NKAIN2: variants seen among roughly 807,000 people sequenced by gnomAD.
The protein encoded by NKAIN2 is sodium/potassium transporting ATPase interacting 2.
In NKAIN2, 14 loss-of-function variants were observed where a neutral mutation model predicts 32.6. That is an observed-to-expected ratio of 0.43 (90% CI 0.28 to 0.67). NKAIN2 has a LOEUF of 0.67. Ranked by LOEUF, NKAIN2 falls within the 30% of genes least tolerant of loss-of-function variation. The pLI, the probability that NKAIN2 is intolerant of heterozygous loss-of-function variation, is 0.17. For synonymous variants in NKAIN2, 80 were observed against 87.2 expected (o/e 0.92, Z 0.46); for missense variants, 198 against 258.3 (o/e 0.77, Z 1.60).
intron 1 of NKAIN2, among the ~76,000 whole-genome samples, chr6:124,081,663 A>C (rs761897716): frequency 6.6e-6 from 1 of 152,122 alleles, no homozygotes; most frequent in African/African-American, 2.4e-5. Context: ...GTCATGAAAT[A>C]GAGTAAATAT....
At chr6:124,209,643 C>A (rs1426782665) in intron 1 of NKAIN2, among the ~76,000 whole-genome samples, 1 of 151,626 alleles carries the variant, frequency 6.6e-6, no homozygotes. Context: ...TTGGACAAAA[C>A]CTATTTTAAC....
chr6:123,895,831 G>C (rs1048654589), intron 1 of NKAIN2, among the ~76,000 whole-genome samples: 2 of 152,220 alleles, frequency 1.3e-5, no homozygotes, highest in Non-Finnish European at 2.9e-5. Flanking sequence ...AGAACAAACA[G>C]ACATTGGACT....
chr6:124,622,970 T>C (rs981095403), intron 3 of NKAIN2, among the ~76,000 whole-genome samples: 12 of 152,252 alleles, frequency 7.9e-5, no homozygotes, highest in Non-Finnish European at 1.2e-4. Flanking sequence ...CAGGAATGCC[T>C]GTACTCATTT....
intron 1 of NKAIN2, among the ~76,000 whole-genome samples, chr6:123,905,247 A>G (rs573145878): frequency 6.6e-6 from 1 of 151,912 alleles, no homozygotes; most frequent in South Asian, 2.1e-4. Flanking sequence ...AGCAAAACGA[A>G]CTCCCTTGTC....
At chr6:124,446,446 G>T (rs1026016046) in intron 3 of NKAIN2, among the ~76,000 whole-genome samples, 1 of 152,026 alleles carries the variant, frequency 6.6e-6, no homozygotes, top group Non-Finnish European at 1.5e-5. Context: ...GGGCTCAAGT[G>T]ATCCTCCCAC....
At chr6:124,395,083 C>T (rs1408828530) in intron 3 of NKAIN2, among the ~76,000 whole-genome samples, 1 of 152,090 alleles carries the variant, frequency 6.6e-6, no homozygotes, top group Non-Finnish European at 1.5e-5. Flanking sequence ...ATAATACCTC[C>T]TCTGTATATA....
At chr6:123,879,036 TA>T (rs1773317620) in intron 1 of NKAIN2, among the ~76,000 whole-genome samples, 1 of 152,254 alleles carries the variant, frequency 6.6e-6, no homozygotes, top group Non-Finnish European at 1.5e-5. Context: ...CTGTTTTCTT[TA>T]AAAAGCATCT....
chr6:123,859,982 C>T (rs533146448), intron 1 of NKAIN2, among the ~76,000 whole-genome samples: 18 of 152,264 alleles, frequency 1.2e-4, no homozygotes, highest in South Asian at 2.1e-4. Flanking sequence ...TAAGCCACCC[C>T]GCCTGGCCCT....
chr6:123,856,249 C>T (rs1339418977), intron 1 of NKAIN2, among the ~76,000 whole-genome samples: 1 of 152,126 alleles, frequency 6.6e-6, no homozygotes, highest in Non-Finnish European at 1.5e-5. Context: ...GCTTTTTGAT[C>T]CTATAACTCC....
At chr6:124,803,133 CT>C (rs1182516651) in intron 5 of NKAIN2, among the ~76,000 whole-genome samples, 1 of 152,242 alleles carries the variant, frequency 6.6e-6, no homozygotes, top group East Asian at 1.9e-4. Flanking sequence ...AAGTGGCACT[CT>C]GGCCAGAGGA....
At chr6:124,423,571 A>G (rs969620670) in intron 3 of NKAIN2, among the ~76,000 whole-genome samples, 3 of 152,236 alleles carry the variant, frequency 2.0e-5, no homozygotes, top group East Asian at 3.9e-4. Flanking sequence ...CCCCAAATGC[A>G]TATGTTGAAA....
intron 3 of NKAIN2, among the ~76,000 whole-genome samples, chr6:124,636,723 A>T (rs1783786560): frequency 1.3e-5 from 2 of 152,016 alleles, no homozygotes; most frequent in African/African-American, 4.8e-5. Context: ...TAGAAAACCT[A>T]AACAGACCCA....
In NKAIN2 at chr6:123,821,196, A is replaced by G. The variant is rs181049301; in HGVS notation, c.54+16942A>G. Reference sequence around the variant, plus strand: ...CTGACCTGAAAGGGGAATTCTGTAGAAGTGAGACGTAGCCACTGGATATTT... The same window carrying G: ...CTGACCTGAAAGGGGAATTCTGTAGGAGTGAGACGTAGCCACTGGATATTT... On this transcript the variant is annotated intron_variant, in intron 1 of 6. Transcript: ENST00000368417. Among the ~76,000 whole-genome samples, 142 of 152,346 alleles carry G rather than the reference A, an allele frequency of 9.3e-4. 1 individual carries two copies. The highest frequency in any genetic ancestry group is 3.2e-3 in the African/African-American group (132 of 41,588).
intron 4 of NKAIN2, among the ~76,000 whole-genome samples, chr6:124,777,976 A>C (rs74583106): frequency 1.0e-4 from 12 of 119,966 alleles, no homozygotes; most frequent in African/African-American, 3.0e-4. Context: ...CACACACACA[A>C]ACACACACAC....
intron 3 of NKAIN2, among the ~76,000 whole-genome samples, chr6:124,481,169 AC>A (rs1221459590): frequency 1.6e-5 from 2 of 128,360 alleles, no homozygotes; most frequent in African/African-American, 6.3e-5. Flanking sequence ...GGTTAGAGTT[AC>A]TTTTTTTTTT....
chr6:124,381,479 G>A (rs1022446481), intron 3 of NKAIN2, among the ~76,000 whole-genome samples: 2 of 152,116 alleles, frequency 1.3e-5, no homozygotes, highest in Admixed American at 1.3e-4. Flanking sequence ...ACCAATGTAT[G>A]AGAAATAAAC....
chr6:124,743,669 C>G (rs192490988), intron 4 of NKAIN2, among the ~76,000 whole-genome samples: 252 of 151,990 alleles, frequency 1.7e-3, no homozygotes, highest in African/African-American at 5.6e-3. Flanking sequence ...TCCTGTTTCT[C>G]TCCTATAAAT....
At chr6:123,841,539 C>T (rs941127213) in intron 1 of NKAIN2, among the ~76,000 whole-genome samples, 1 of 152,176 alleles carries the variant, frequency 6.6e-6, no homozygotes, top group African/African-American at 2.4e-5. Flanking sequence ...ATTTACACCT[C>T]ATAACTTTCT....
In NKAIN2 at chr6:124,786,407, G is replaced by A. The variant is rs183135636; in HGVS notation, c.475-4932G>A. 3.8e-3 allele frequency among the ~76,000 whole-genome samples: 576 copies of A among 152,138 alleles called. 14 individuals carry two copies. Among genetic ancestry groups the A allele is most frequent in the Admixed American group, 0.033 (506 of 15,244 alleles). On this transcript the variant is annotated intron_variant, in intron 4 of 6. Transcript: ENST00000368417. Reference sequence around the variant, plus strand: ...AAATCCAGAATGTAATAGATTAAACGCTAAGGTTGCTATATTTTCAATTAT... The same window carrying A: ...AAATCCAGAATGTAATAGATTAAACACTAAGGTTGCTATATTTTCAATTAT...
Sources: allele counts gnomAD v4.1 joint callset (sites outside exome capture counted in the v4.1 genomes callset), GRCh38; gene constraint gnomAD v4.1.1; transcripts MANE v1.5; gene names NCBI Gene and HGNC (gene_info 2026-07-23, HGNC 2026-07-21).